Variants in MYRIP observed in about 807,000 individuals in gnomAD.
MYRIP encodes the protein rab effector MyRIP.
In MYRIP, 49 loss-of-function variants were observed where a neutral mutation model predicts 98.0. The observed-to-expected ratio is 0.50, with a 90% confidence interval of 0.40 to 0.63. The LOEUF is 0.63. MYRIP is among the 30% of genes least tolerant of loss of function. The pLI is 0.00. For synonymous variants in MYRIP, 404 were observed against 409.5 expected (o/e 0.99, Z 0.16); for missense variants, 1,004 against 1,058.2 (o/e 0.95, Z 0.71).
At chr3:40,186,974 G>A (rs890930462) in intron 9 of MYRIP, among the ~76,000 whole-genome samples, 15 of 152,184 alleles carry the variant, frequency 9.9e-5, no homozygotes, top group African/African-American at 3.4e-4. Flanking sequence ...AATAATGCTA[G>A]CAAGCCACTC....
chr3:39,884,785 T>C (rs1943244715), intron 1 of MYRIP, among the ~76,000 whole-genome samples: 2 of 150,634 alleles, frequency 1.3e-5, no homozygotes, highest in Non-Finnish European at 3.0e-5. Flanking sequence ...TATTTTTCCA[T>C]TGTATGGCTA....
chr3:40,169,807 C>T (rs993177379), intron 7 of MYRIP, 143 bp from the exon 8 acceptor site: 62 of 874,092 alleles, frequency 7.1e-5, no homozygotes, highest in Non-Finnish European at 9.7e-5. Context: ...TTTCTCATAG[C>T]GCAGATCTGA....
At chr3:40,165,911 A>G (rs1950490786) in intron 5 of MYRIP, among the ~76,000 whole-genome samples, 1 of 152,162 alleles carries the variant, frequency 6.6e-6, no homozygotes, top group Admixed American at 6.5e-5. Context: ...AGGAATTGGA[A>G]TCCAGCTGGA....
chr3:39,978,500 T>C (rs1945808314), intron 2 of MYRIP, among the ~76,000 whole-genome samples: 1 of 152,224 alleles, frequency 6.6e-6, no homozygotes, highest in South Asian at 2.1e-4. Flanking sequence ...CTCTCCCTGA[T>C]TAAATGCATC....
intron 1 of MYRIP, among the ~76,000 whole-genome samples, chr3:39,865,148 C>A (rs1455494334): frequency 6.6e-6 from 1 of 152,070 alleles, no homozygotes; most frequent in Non-Finnish European, 1.5e-5. Context: ...ATGCAAAAAT[C>A]AGCTCAAGGT....
intron 1 of MYRIP, among the ~76,000 whole-genome samples, chr3:39,895,678 A>G (rs1395622687): frequency 2.6e-5 from 4 of 152,220 alleles, no homozygotes; most frequent in Non-Finnish European, 4.4e-5. Flanking sequence ...CAAATTAATC[A>G]ATAAGAAAAT....
At chr3:40,053,185 A>C (rs1365005052) in intron 3 of MYRIP, among the ~76,000 whole-genome samples, 3 of 151,908 alleles carry the variant, frequency 2.0e-5, no homozygotes, top group African/African-American at 7.3e-5. Context: ...CCTTCCCCCC[A>C]TCCCTGCCCC....
intron 2 of MYRIP, among the ~76,000 whole-genome samples, chr3:40,017,299 C>G (rs1242251553): frequency 2.0e-5 from 3 of 152,104 alleles, no homozygotes; most frequent in African/African-American, 7.2e-5. Flanking sequence ...TCCAAATGAC[C>G]ACTACAAAAC....
rs28683690 is a variant in MYRIP, at chr3:40,149,819, C to T, written c.333-1229C>T. ...CTCTGATTTTGCTCTCACCCCCATT[C>T]CTTCCTTGTATAGATTGTTTTTTAC... On this transcript the variant is annotated intron_variant, in intron 3 of 16. Coordinates refer to ENST00000302541, the MANE Select transcript of MYRIP (RefSeq NM_015460.4). Among the ~76,000 whole-genome samples the T allele has an allele frequency of 7.6e-3, 1,164 of 152,236 alleles. 15 individuals are homozygous for T. Among genetic ancestry groups the T allele is most frequent in the African/African-American group, 0.027 (1,117 of 41,554 alleles).
intron 2 of MYRIP, among the ~76,000 whole-genome samples, chr3:39,953,422 T>A (rs974863297): frequency 6.6e-6 from 1 of 152,256 alleles, no homozygotes; most frequent in African/African-American, 2.4e-5. Flanking sequence ...TCAGATATCC[T>A]GCCTTACAGT....
intron 8 of MYRIP, among the ~76,000 whole-genome samples, chr3:40,180,408 C>A (rs941402880): frequency 6.6e-5 from 10 of 152,200 alleles, no homozygotes; most frequent in African/African-American, 2.4e-4. Context: ...AGAACATTAC[C>A]CTCAGTTGCT....
intron 1 of MYRIP, among the ~76,000 whole-genome samples, chr3:39,856,717 A>G (rs943456380): frequency 2.0e-5 from 3 of 152,178 alleles, no homozygotes; most frequent in African/African-American, 7.2e-5. Context: ...GCCCACAGAA[A>G]CAACTAGATG....
intron 2 of MYRIP, among the ~76,000 whole-genome samples, chr3:39,909,466 G>C (rs1051048470): frequency 2.0e-5 from 3 of 152,164 alleles, no homozygotes; most frequent in Admixed American, 2.0e-4. Context: ...AGCCCTTGAA[G>C]AAGAGTCCAA....
chr3:40,086,915 T>C (rs1948639105), intron 3 of MYRIP, among the ~76,000 whole-genome samples: 1 of 151,908 alleles, frequency 6.6e-6, no homozygotes. Flanking sequence ...TGCGGCTGCT[T>C]GGCATTCAGA....
chr3:39,994,433 G>A (rs902485978), intron 2 of MYRIP, among the ~76,000 whole-genome samples: 14 of 152,304 alleles, frequency 9.2e-5, no homozygotes, highest in East Asian at 1.9e-4. Context: ...ACGGAGCCTC[G>A]CTCATTGCTA....
chr3:39,817,167 G>C (rs1940947642), intron 1 of MYRIP, among the ~76,000 whole-genome samples: 1 of 152,202 alleles, frequency 6.6e-6, no homozygotes, highest in South Asian at 2.1e-4. Context: ...ATGAAACTAG[G>C]TTGACAATCT....
intron 3 of MYRIP, among the ~76,000 whole-genome samples, chr3:40,078,236 C>T (rs1044937569): frequency 6.6e-6 from 1 of 152,346 alleles, no homozygotes; most frequent in Non-Finnish European, 1.5e-5. Flanking sequence ...GCCCGCCAAG[C>T]CCACGCCCAC....
At chr3:40,020,017 G>A (rs1946954589) in intron 2 of MYRIP, among the ~76,000 whole-genome samples, 1 of 152,062 alleles carries the variant, frequency 6.6e-6, no homozygotes, top group African/African-American at 2.4e-5. Context: ...TAGATTCATG[G>A]GATACAAGCA....
rs1467979011 is a variant in MYRIP, at chr3:40,204,071, TATATA to T, written c.1666-5777_1666-5773del. ...TAATATATTTATATATAATAAATATTATATAATATATTTATATATTATATAATATA... is the reference window on the plus strand; with the variant it reads ...TAATATATTTATATATAATAAATATTATATATTTATATATTATATAATATA... On this transcript the variant is annotated intron_variant, in intron 10 of 16. Coordinates refer to ENST00000302541, the MANE Select transcript of MYRIP (RefSeq NM_015460.4). 2.5e-3 allele frequency among the ~76,000 whole-genome samples: 4 copies of T among 1,614 alleles called. 2 individuals carry two copies. The highest frequency in any genetic ancestry group is 3.3e-3 in the African/African-American group (4 of 1,212). The allele number at this position is 1,614 out of a possible 152,430, so 1.1% of individuals were successfully genotyped here.
Sources: allele counts gnomAD v4.1 joint callset (sites outside exome capture counted in the v4.1 genomes callset), GRCh38; gene constraint gnomAD v4.1.1; transcripts MANE v1.5; gene names NCBI Gene and HGNC (gene_info 2026-07-23, HGNC 2026-07-21).